PLXNA4: variants seen among roughly 807,000 people sequenced by gnomAD.
The protein encoded by PLXNA4 is plexin-A4.
PLXNA4 carries 44 observed loss-of-function variants against 191.8 expected under a neutral mutation model. The observed-to-expected ratio is 0.23, with a 90% CI of 0.18 to 0.29. The LOEUF (loss-of-function observed/expected upper bound fraction) is 0.29. PLXNA4 is among the 10% of genes least tolerant of loss of function. The probability of loss-of-function intolerance (pLI) is 1.00; values close to 1 mark genes in which losing one functional copy is unlikely to be tolerated. For missense variants in PLXNA4, 1,800 were observed against 2,488.8 expected, an observed-to-expected ratio of 0.72 and a Z score of 5.89; for synonymous variants, 1,082 against 1,009.5, an observed-to-expected ratio of 1.07 and a Z score of -1.36.
intron 4 of PLXNA4, among the ~76,000 whole-genome samples, chr7:132,245,397 T>C (rs2117054538): frequency 6.6e-6 from 1 of 152,328 alleles, no homozygotes; most frequent in South Asian, 2.1e-4. Context: ...CCATCACCTC[T>C]GGGGACCTCC....
chr7:132,390,274 G>A (rs1424223851), intron 3 of PLXNA4, among the ~76,000 whole-genome samples: 1 of 152,118 alleles, frequency 6.6e-6, no homozygotes, highest in Non-Finnish European at 1.5e-5. Flanking sequence ...GCAGGGACAT[G>A]GATGATGCTG....
chr7:132,528,166 C>T (rs1023988555), intron 1 of PLXNA4, among the ~76,000 whole-genome samples: 1 of 152,166 alleles, frequency 6.6e-6, no homozygotes, highest in Non-Finnish European at 1.5e-5. Flanking sequence ...GAGTAAGCAG[C>T]ATGAGTGCTT....
chr7:132,647,434 CAT>C (rs1461886688), intron 1 of PLXNA4, among the ~76,000 whole-genome samples: 6 of 152,088 alleles, frequency 3.9e-5, no homozygotes, highest in Non-Finnish European at 8.8e-5. Flanking sequence ...CTATCATACA[CAT>C]ATGCACTCAC....
intron 3 of PLXNA4, among the ~76,000 whole-genome samples, chr7:132,440,545 G>A (rs1795659882): frequency 6.6e-6 from 1 of 152,152 alleles, no homozygotes; most frequent in Admixed American, 6.5e-5. Context: ...AGGAACACAG[G>A]TTTAATATGA....
intron 3 of PLXNA4, among the ~76,000 whole-genome samples, chr7:132,387,577 C>T (rs1394771417): frequency 1.3e-5 from 2 of 152,148 alleles, no homozygotes; most frequent in African/African-American, 4.8e-5. Flanking sequence ...CAGAAGCCAC[C>T]AGAGAATTAC....
intron 25 of PLXNA4, among the ~76,000 whole-genome samples, chr7:132,157,669 C>G (rs1392021200): frequency 6.6e-6 from 1 of 152,194 alleles, no homozygotes; most frequent in African/African-American, 2.4e-5. Flanking sequence ...TCTGGACTCT[C>G]CTCCCACCTG....
chr7:132,610,281 C>T (rs530504725), intron 2 of PLXNA4, among the ~76,000 whole-genome samples: 2 of 152,300 alleles, frequency 1.3e-5, no homozygotes, highest in South Asian at 2.1e-4. Context: ...CTAGTCACTA[C>T]AATCCCTGGG....
intron 4 of PLXNA4, among the ~76,000 whole-genome samples, chr7:132,288,992 G>A (rs1800785705): frequency 6.6e-6 from 1 of 152,170 alleles, no homozygotes; most frequent in South Asian, 2.1e-4. Context: ...CCCTGGTGGA[G>A]GCAACATCCA....
intron 4 of PLXNA4, among the ~76,000 whole-genome samples, chr7:132,273,340 ACG>A (rs1244497963): frequency 0.012 from 1,866 of 150,530 alleles, 33 homozygotes; most frequent in African/African-American, 0.044. Context: ...ACACACACAC[ACG>A]CACACACACA....
At chr7:132,200,732 C>A (rs916149613) in intron 12 of PLXNA4, among the ~76,000 whole-genome samples, 1 of 152,216 alleles carries the variant, frequency 6.6e-6, no homozygotes. Flanking sequence ...ATCCCTGGTG[C>A]ACGTGCACAA....
chr7:132,569,482 T>A (rs1408314861), intron 1 of PLXNA4, among the ~76,000 whole-genome samples: 2 of 152,256 alleles, frequency 1.3e-5, no homozygotes, highest in African/African-American at 4.8e-5. Flanking sequence ...TGCTTGCATC[T>A]GTTCTGTGCA....
intron 3 of PLXNA4, among the ~76,000 whole-genome samples, chr7:132,415,597 A>G (rs1794632652): frequency 6.6e-6 from 1 of 152,214 alleles, no homozygotes; most frequent in South Asian, 2.1e-4. Flanking sequence ...CATAACTCTA[A>G]TAGGAGATAG....
chr7:132,453,997 AC>A (rs1207403199), intron 3 of PLXNA4, among the ~76,000 whole-genome samples: 4 of 152,246 alleles, frequency 2.6e-5, no homozygotes, highest in South Asian at 4.1e-4. Flanking sequence ...TGAGGTTTGC[AC>A]CACATGCTGA....
chr7:132,456,833 G>A lies in PLXNA4; in HGVS notation c.1371+32459C>T, dbSNP rs534079608. Among the ~76,000 whole-genome samples the A allele has an allele frequency of 3.9e-5, 6 of 152,304 alleles. No homozygotes were observed. The South Asian group carries it at 8.3e-4, about 21-fold the overall frequency. On this transcript the variant is annotated intron_variant, in intron 3 of 31. Transcript: ENST00000321063. Reference sequence around the variant, plus strand: ...CACCTGGGAGACCTTGGATGGAACTGGTTCCTACATCCCCATAGAGATAAC... The same window carrying A: ...CACCTGGGAGACCTTGGATGGAACTAGTTCCTACATCCCCATAGAGATAAC...
At chr7:132,320,599 T>C (rs1288838570) in intron 3 of PLXNA4, among the ~76,000 whole-genome samples, 2 of 152,162 alleles carry the variant, frequency 1.3e-5, no homozygotes, top group African/African-American at 2.4e-5. Context: ...TCTTACCTCC[T>C]GCCTGGAGAG....
At chr7:132,401,402 G>A (rs990075160) in intron 3 of PLXNA4, among the ~76,000 whole-genome samples, 7 of 152,206 alleles carry the variant, frequency 4.6e-5, no homozygotes, top group African/African-American at 1.7e-4. Flanking sequence ...CTCCCTAGGT[G>A]GTTCTAATGT....
chr7:132,249,086 G>C (rs1474982468), intron 4 of PLXNA4, among the ~76,000 whole-genome samples: 1 of 152,232 alleles, frequency 6.6e-6, no homozygotes, highest in Admixed American at 6.5e-5. Context: ...AATAGCAAAG[G>C]CAACCGCCCC....
At chr7:132,176,616 G>GTGA in intron 20 of PLXNA4, among the ~76,000 whole-genome samples, 1 of 152,014 alleles carries the variant, frequency 6.6e-6, no homozygotes, top group African/African-American at 2.4e-5. Flanking sequence ...GTGTATGACT[G>GTGA]CATGTGTGTG....
At chr7:132,227,264 G>A (rs569968643) in intron 7 of PLXNA4, among the ~76,000 whole-genome samples, 187 bp downstream of exon 7, 7 of 152,348 alleles carry the variant, frequency 4.6e-5, no homozygotes, top group Admixed American at 3.3e-4. Flanking sequence ...GGCTGTAACA[G>A]TCAATGCCAA....
Sources: allele counts gnomAD v4.1 joint callset (sites outside exome capture counted in the v4.1 genomes callset), GRCh38; gene constraint gnomAD v4.1.1; transcripts MANE v1.5; gene names NCBI Gene and HGNC (gene_info 2026-07-23, HGNC 2026-07-21).